Variants in CDYL observed in about 807,000 individuals in gnomAD.
CDYL encodes the protein chromodomain Y-like protein.
CDYL carries 8 observed loss-of-function variants against 47.3 expected under a neutral mutation model. The observed-to-expected ratio is 0.17, with a 90% CI of 0.10 to 0.31. The LOEUF (loss-of-function observed/expected upper bound fraction) is 0.31, where lower values mean the gene tolerates loss of function less well. CDYL is among the 10% of genes least tolerant of loss of function. CDYL has a pLI of 1.00. For missense variants in CDYL, 471 were observed against 701.4 expected (o/e 0.67, Z 3.71); for synonymous variants, 266 against 265.0 (o/e 1.00, Z -0.04).
chr6:4,863,154 C>T (rs1382903603), intron 1 of CDYL, among the ~76,000 whole-genome samples: 2 of 151,884 alleles, frequency 1.3e-5, no homozygotes, highest in Non-Finnish European at 1.5e-5. Context: ...ACAGTGGGTA[C>T]GCATGGATGT....
chr6:4,923,328 A>G (rs1757772045), intron 2 of CDYL, among the ~76,000 whole-genome samples: 1 of 152,144 alleles, frequency 6.6e-6, no homozygotes, highest in Admixed American at 6.5e-5. Context: ...ATTTGTCTTA[A>G]TGTGCCTGGC....
intron 1 of CDYL, among the ~76,000 whole-genome samples, chr6:4,795,912 T>C (rs1053419337): frequency 1.3e-5 from 2 of 152,238 alleles, no homozygotes; most frequent in South Asian, 2.1e-4. Context: ...AAGTTTAATT[T>C]CATTTTTTTC....
chr6:4,748,773 G>A (rs1757939781), intron 3 of CDYL, among the ~76,000 whole-genome samples: 1 of 152,126 alleles, frequency 6.6e-6, no homozygotes, highest in Admixed American at 6.5e-5. Context: ...AAGGGAAAAT[G>A]TGCAAAAAGC....
chr6:4,822,073 A>T (rs1260038677), intron 1 of CDYL, among the ~76,000 whole-genome samples: 1 of 151,906 alleles, frequency 6.6e-6, no homozygotes, highest in Admixed American at 6.6e-5. Flanking sequence ...GGCTCAAACG[A>T]TCCTCCCAAC....
intron 1 of CDYL, among the ~76,000 whole-genome samples, chr6:4,888,062 C>T (rs1460612836): frequency 6.6e-6 from 1 of 151,912 alleles, no homozygotes; most frequent in Non-Finnish European, 1.5e-5. Flanking sequence ...TGGTCATGGT[C>T]ATTTTTGTAT....
chr6:4,952,697 C>T (rs1758744413), intron 6 of CDYL, among the ~76,000 whole-genome samples: 1 of 152,170 alleles, frequency 6.6e-6, no homozygotes, highest in Non-Finnish European at 1.5e-5. Flanking sequence ...TAATTCTTTA[C>T]TGGTTCCAAA....
At chr6:4,943,211 G>C (rs1368265743) in intron 4 of CDYL, among the ~76,000 whole-genome samples, 1 of 152,142 alleles carries the variant, frequency 6.6e-6, no homozygotes, top group Non-Finnish European at 1.5e-5. Context: ...GTCTTCGAGG[G>C]AAGACAGGTT....
intron 5 of CDYL, among the ~76,000 whole-genome samples, chr6:4,950,661 C>G (rs7759959): frequency 0.028 from 4,257 of 152,252 alleles, 190 homozygotes; most frequent in African/African-American, 0.097. Flanking sequence ...TCATGACTTT[C>G]TCCAAGTTGG....
chr6:4,858,038 G>A (rs566955996), intron 1 of CDYL, among the ~76,000 whole-genome samples: 53 of 126,254 alleles, frequency 4.2e-4, no homozygotes, highest in African/African-American at 1.4e-3. Context: ...CTTCTGTATC[G>A]CACTAGTTCA....
At chr6:4,713,589 CT>C (rs11375423) in intron 1 of CDYL, among the ~76,000 whole-genome samples, 102 of 113,614 alleles carry the variant, frequency 9.0e-4, no homozygotes, top group Middle Eastern at 4.6e-3. Context: ...CATTTAGATT[CT>C]TTTTTTTTTT....
At position 4,776,824 on chromosome 6, in the gene CDYL, C is replaced by G; in HGVS notation, c.24+17C>G. On this transcript the variant is annotated intron_variant, in intron 1 of 6. Transcript: ENST00000397588. ...CTGTACGAGGTACCTCCCCTCCCCC[C>G]GGCCTCGGGCCGCCCCCCGCCCGCC... 3.0e-6 allele frequency: 3 copies of G among 987,988 alleles called. No individual in the cohort carries two copies. Among genetic ancestry groups the G allele is most frequent in the African/African-American group, 1.8e-5 (1 of 56,044 alleles). 61.2% of individuals were successfully genotyped at this position (987,988 alleles called of 1,614,324 possible).
chr6:4,950,027 G>A (rs985314359), intron 5 of CDYL, among the ~76,000 whole-genome samples: 8 of 152,122 alleles, frequency 5.3e-5, no homozygotes, highest in Non-Finnish European at 8.8e-5. Context: ...GCGGGGCTGT[G>A]GAGGAAGACC....
intron 1 of CDYL, among the ~76,000 whole-genome samples, chr6:4,808,182 C>T (rs914921193): frequency 6.6e-6 from 1 of 152,142 alleles, no homozygotes; most frequent in African/African-American, 2.4e-5. Flanking sequence ...AATGCACATG[C>T]GGGGCAACAC....
intron 1 of CDYL, among the ~76,000 whole-genome samples, chr6:4,860,004 C>T (rs1761117788): frequency 6.6e-6 from 1 of 151,786 alleles, no homozygotes; most frequent in Admixed American, 6.6e-5. Context: ...TGTGTTCACG[C>T]CATTCTCCTG....
At chr6:4,781,958 A>G (rs111591035) in intron 1 of CDYL, among the ~76,000 whole-genome samples, 9,458 of 151,466 alleles carry the variant, frequency 0.062, 327 homozygotes, top group Middle Eastern at 0.089. Context: ...GGATGGAGAC[A>G]GGAATCTTAT....
At chr6:4,878,825 T>G (rs891173356) in intron 1 of CDYL, among the ~76,000 whole-genome samples, 7 of 152,094 alleles carry the variant, frequency 4.6e-5, no homozygotes, top group Admixed American at 1.3e-4. Flanking sequence ...TATTTTTCTG[T>G]TTTTTTCAAG....
At chr6:4,826,609 A>G (rs1759989190) in intron 1 of CDYL, among the ~76,000 whole-genome samples, 1 of 151,882 alleles carries the variant, frequency 6.6e-6, no homozygotes, top group Non-Finnish European at 1.5e-5. Context: ...TTTTTGACCC[A>G]TGGTTGTTGA....
chr6:4,954,806 A>G lies in CDYL; in HGVS notation c.*750A>G, dbSNP rs1283806787. On this transcript the variant is annotated 3_prime_UTR_variant, in exon 7 of 7. Transcript: ENST00000397588. ...ATCACTGAATAGCTTAAGTATGACT[A>G]TCTAAGTTATAAGTTAGTCTTTAGT... 1 of 151,940 alleles carries G rather than the reference A, an allele frequency of 6.6e-6. No individual in the cohort carries two copies. Among genetic ancestry groups the G allele is most frequent in the East Asian group, 2.0e-4 (1 of 4,960 alleles). The allele number at this position is 151,940 out of a possible 1,614,324, so 9.4% of individuals were successfully genotyped here.
chr6:4,902,873 T>A (rs1757111515), intron 2 of CDYL, among the ~76,000 whole-genome samples: 1 of 152,214 alleles, frequency 6.6e-6, no homozygotes, highest in African/African-American at 2.4e-5. Context: ...CGGATGTTTT[T>A]AAAATATCCA....
Sources: gnomAD v4.1 joint callset for allele counts (sites outside exome capture counted in the v4.1 genomes callset) on GRCh38, gnomAD v4.1.1 for gene constraint, MANE v1.5 for transcripts, NCBI Gene and HGNC (gene_info 2026-07-23, HGNC 2026-07-21) for gene names.